TTBK2: variants seen among roughly 807,000 people sequenced by gnomAD.
TTBK2 encodes the protein tau-tubulin kinase 2.
A neutral mutation model predicts 110.8 loss-of-function variants in TTBK2; 28 were observed. The ratio of observed to expected loss-of-function variants is 0.25; its 90% CI spans 0.19 to 0.35. The LOEUF (loss-of-function observed/expected upper bound fraction) is 0.35. Ranked by LOEUF, TTBK2 falls within the 10% of genes least tolerant of loss-of-function variation. The pLI is 1.00. For synonymous variants in TTBK2, 532 were observed against 527.3 expected, an observed-to-expected ratio of 1.01 and a Z score of -0.12; for missense variants, 1,369 against 1,500.3, an observed-to-expected ratio of 0.91 and a Z score of 1.45.
chr15:42,857,871 T>C (rs1419500003), intron 3 of TTBK2, among the ~76,000 whole-genome samples: 1 of 151,764 alleles, frequency 6.6e-6, no homozygotes, highest in African/African-American at 2.4e-5. Flanking sequence ...TCACCTGAGA[T>C]CACGAGTTCA....
At chr15:42,891,490 A>T (rs1038149617) in intron 1 of TTBK2, among the ~76,000 whole-genome samples, 2 of 151,858 alleles carry the variant, frequency 1.3e-5, no homozygotes, top group Non-Finnish European at 2.9e-5. Flanking sequence ...TCTGTATATT[A>T]AAAACTCTGT....
intron 9 of TTBK2, chr15:42,801,711 G>A (rs1567032375): frequency 1.1e-6 from 1 of 875,060 alleles, no homozygotes; most frequent in East Asian, 2.4e-5. Flanking sequence ...TGGGACTGCA[G>A]CTCCCGATCT....
intron 2 of TTBK2, among the ~76,000 whole-genome samples, chr15:42,875,969 C>T (rs921802489): frequency 3.3e-5 from 5 of 149,684 alleles, no homozygotes; most frequent in East Asian, 2.0e-4. Context: ...CATGGAGATG[C>T]CCTAGAAAAT....
chr15:42,918,167 C>T (rs949591355), intron 1 of TTBK2, among the ~76,000 whole-genome samples: 1 of 152,044 alleles, frequency 6.6e-6, no homozygotes, highest in African/African-American at 2.4e-5. Flanking sequence ...CCTCAACCTC[C>T]GATCCACCCC....
chr15:42,901,356 C>T (rs577209403), intron 1 of TTBK2, among the ~76,000 whole-genome samples: 4 of 150,306 alleles, frequency 2.7e-5, no homozygotes, highest in South Asian at 2.1e-4. Flanking sequence ...AGCAAGACTC[C>T]GTCTTGAAAA....
intron 1 of TTBK2, among the ~76,000 whole-genome samples, chr15:42,892,386 C>T (rs1419271016): frequency 6.6e-6 from 1 of 152,030 alleles, no homozygotes; most frequent in Non-Finnish European, 1.5e-5. Flanking sequence ...TACACTTAGG[C>T]CTAACATATT....
chr15:42,782,095 G>A (rs768586537), intron 11 of TTBK2, among the ~76,000 whole-genome samples: 4 of 151,826 alleles, frequency 2.6e-5, no homozygotes, highest in Non-Finnish European at 5.9e-5. Context: ...TTTTTGAGGT[G>A]GAGTTTCACT....
intron 7 of TTBK2, among the ~76,000 whole-genome samples, chr15:42,813,574 G>C (rs1891816099): frequency 6.6e-6 from 1 of 152,054 alleles, no homozygotes; most frequent in African/African-American, 2.4e-5. Context: ...GCCGAGCGCA[G>C]TGGCTCACAC....
At chr15:42,902,347 C>T (rs2030096937) in intron 1 of TTBK2, among the ~76,000 whole-genome samples, 1 of 151,448 alleles carries the variant, frequency 6.6e-6, no homozygotes, top group African/African-American at 2.4e-5. Context: ...ATGGTGAAAC[C>T]CCATCTCTAC....
intron 13 of TTBK2, among the ~76,000 whole-genome samples, chr15:42,761,264 T>C (rs1020329423): frequency 1.3e-5 from 2 of 152,170 alleles, no homozygotes; most frequent in African/African-American, 4.8e-5. Flanking sequence ...TTCAGAACAC[T>C]GGTCTAGGAA....
At chr15:42,903,624 C>A (rs1303453058) in intron 1 of TTBK2, among the ~76,000 whole-genome samples, 1 of 152,080 alleles carries the variant, frequency 6.6e-6, no homozygotes, top group Non-Finnish European at 1.5e-5. Context: ...CAATTAGGAA[C>A]CGAACACTAG....
rs2061781180 is a variant in TTBK2 at position 42,745,674 on chromosome 15, T to C, written c.*121A>G. The C allele has an allele frequency of 1.7e-6, 2 of 1,186,822 alleles. No homozygotes were observed. The highest frequency in any genetic ancestry group is 1.3e-6 in the Non-Finnish European group (1 of 798,410). 73.5% of individuals were successfully genotyped at this position (1,186,822 alleles called of 1,614,324 possible). A position where few individuals can be genotyped will look rare whatever the true frequency, so the allele number is the denominator to read the frequency against. ...ATGTCTTCTTATAAATAATTGATCA[T>C]GTTACTTTCTTTTGCAAGAGAAGAT... is the stretch of plus-strand genomic sequence containing the variant. On this transcript the variant is annotated 3_prime_UTR_variant, in exon 15 of 15. Transcript: ENST00000267890.
chr15:42,917,496 T>C (rs1473687119), intron 1 of TTBK2, among the ~76,000 whole-genome samples: 1 of 152,150 alleles, frequency 6.6e-6, no homozygotes, highest in African/African-American at 2.4e-5. Flanking sequence ...GTAATATGTG[T>C]TGTCCTTATG....
rs987659023 is a variant in TTBK2, at chr15:42,752,117, G to A, written c.3129C>T (p.Pro1043=). The A allele has an allele frequency of 6.2e-7, 1 of 1,614,176 alleles. No individual in the cohort carries two copies. ...TGCTCTTTCTAGACTGGGAGATGAT[G>A]GGTGACAGAAAGCTATCTTCAGCTG... ...SRSAEDSFLS[P]IISQSRKSKI... Residue 1043 remains proline (P), a synonymous_variant, in exon 14 of 15, where the codon CCC becomes CCT. Coordinates refer to ENST00000267890, the MANE Select transcript of TTBK2 (RefSeq NM_173500.4).
intron 1 of TTBK2, among the ~76,000 whole-genome samples, chr15:42,904,197 T>G (rs963771155): frequency 2.6e-5 from 4 of 152,212 alleles, no homozygotes; most frequent in Non-Finnish European, 2.9e-5. Flanking sequence ...TAATAAATGT[T>G]GTTTTAAAAC....
chr15:42,885,931 G>A lies in TTBK2; in HGVS notation c.-67-7247C>T, dbSNP rs149226405. On this transcript the variant is annotated intron_variant, in intron 1 of 14. Coordinates refer to ENST00000267890, the MANE Select transcript of TTBK2 (RefSeq NM_173500.4). ...AATACAAACTCGACAGTAGTTCCAA[G>A]TGGCCAGAGAATGGCACTTTTGATT... Among the ~76,000 whole-genome samples, 328 of 152,178 alleles carry A rather than the reference G, an allele frequency of 2.2e-3. 6 individuals carry two copies. The East Asian group carries it at 0.044, about 21-fold the overall frequency.
chr15:42,800,174 T>A (rs1891124532), intron 9 of TTBK2: 1 of 393,254 alleles, frequency 2.5e-6, no homozygotes, highest in Admixed American at 3.7e-5. Flanking sequence ...GATTTTCTAT[T>A]TTTCTGTTAA....
At chr15:42,794,619 A>AC in intron 10 of TTBK2, 25 bp downstream of exon 10, 1 of 1,614,160 alleles carries the variant, frequency 6.2e-7, no homozygotes, top group Non-Finnish European at 8.5e-7. Flanking sequence ...GAAAGACACC[A>AC]CCAAATGATC....
intron 11 of TTBK2, among the ~76,000 whole-genome samples, chr15:42,777,650 A>G (rs1391486268): frequency 2.6e-5 from 4 of 152,144 alleles, no homozygotes; most frequent in African/African-American, 7.2e-5. Context: ...GAGTCGCTAT[A>G]CCTCTTTTCT....
Sources: gnomAD v4.1 joint callset for allele counts (sites outside exome capture counted in the v4.1 genomes callset) on GRCh38, gnomAD v4.1.1 for gene constraint, MANE v1.5 for transcripts, NCBI Gene and HGNC (gene_info 2026-07-23, HGNC 2026-07-21) for gene names.